The following EXOC6B variants were observed in gnomAD, a reference collection of about 807,000 sequenced individuals.
The protein encoded by EXOC6B is SEC15 homolog B.
In EXOC6B, 54 loss-of-function variants were observed where a neutral mutation model predicts 113.5. That is an observed-to-expected ratio of 0.48 (90% CI 0.38 to 0.60). The LOEUF (loss-of-function observed/expected upper bound fraction) is 0.60, where lower values mean the gene tolerates loss of function less well. EXOC6B is among the 20% of genes least tolerant of loss of function. EXOC6B has a pLI of 0.00. For missense variants in EXOC6B, 797 were observed against 977.5 expected (o/e 0.82, Z 2.46); for synonymous variants, 357 against 339.0 (o/e 1.05, Z -0.58).
chr2:72,338,433 T>C (rs1688822599), intron 19 of EXOC6B, among the ~76,000 whole-genome samples: 1 of 152,136 alleles, frequency 6.6e-6, no homozygotes, highest in African/African-American at 2.4e-5. Flanking sequence ...AATTCAGCTA[T>C]GGCTCAGTGA....
chr2:72,771,694 C>G (rs950429836), intron 1 of EXOC6B, among the ~76,000 whole-genome samples: 17 of 151,960 alleles, frequency 1.1e-4, no homozygotes, highest in African/African-American at 4.1e-4. Flanking sequence ...TTACTGAGAG[C>G]CTGGATGTGG....
At chr2:72,497,468 A>G (rs1423353908) in intron 13 of EXOC6B, among the ~76,000 whole-genome samples, 4 of 152,142 alleles carry the variant, frequency 2.6e-5, no homozygotes, top group Non-Finnish European at 4.4e-5. Context: ...CATACTACCA[A>G]AATCAAAACA....
In EXOC6B at chr2:72,184,140, G is replaced by A. The variant is rs1176286515; in HGVS notation, c.2244C>T (p.Asp748=). The change falls in exon 21 of 22, where the codon GAC becomes GAT. Residue 748 remains aspartate (D), a synonymous_variant. Coordinates refer to ENST00000272427, the MANE Select transcript of EXOC6B (RefSeq NM_015189.3). The part of the protein sequence containing the change: ...IQWDWSTYLA[D]YGQPNCKYLR... ...GGTACTTGCAGTTGGGCTGACCATA[G>A]TCAGCAAGGTAGGTTGACCAATCCC... The A allele has an allele frequency of 6.4e-7, 1 of 1,563,386 alleles. No homozygotes were observed. The highest frequency in any genetic ancestry group is 8.7e-7 in the Non-Finnish European group (1 of 1,153,190).
intron 16 of EXOC6B, among the ~76,000 whole-genome samples, chr2:72,485,402 C>T (rs1204757945): frequency 6.6e-6 from 1 of 152,184 alleles, no homozygotes; most frequent in Admixed American, 6.5e-5. Context: ...TCACACTCTT[C>T]TTCATGCCAC....
intron 18 of EXOC6B, among the ~76,000 whole-genome samples, chr2:72,403,854 C>G (rs140613722): frequency 1.3e-5 from 2 of 152,224 alleles, no homozygotes; most frequent in South Asian, 2.1e-4. Context: ...GGGTGTCAGA[C>G]AGAGGGTGCA....
intron 18 of EXOC6B, among the ~76,000 whole-genome samples, chr2:72,404,146 G>A (rs920467811): frequency 1.3e-5 from 2 of 152,198 alleles, no homozygotes; most frequent in Admixed American, 1.3e-4. Flanking sequence ...CTGCAAGGCA[G>A]CGGGGAGGCT....
At chr2:72,627,652 T>G (rs1306564511) in intron 6 of EXOC6B, among the ~76,000 whole-genome samples, 1 of 152,234 alleles carries the variant, frequency 6.6e-6, no homozygotes, top group Non-Finnish European at 1.5e-5. Flanking sequence ...TGTATTCACT[T>G]TATGGAGCCC....
intron 6 of EXOC6B, among the ~76,000 whole-genome samples, chr2:72,684,345 G>A (rs919859334): frequency 6.6e-6 from 1 of 151,954 alleles, no homozygotes; most frequent in Non-Finnish European, 1.5e-5. Context: ...AAATTTAAAA[G>A]ACTGACAACA....
intron 18 of EXOC6B, among the ~76,000 whole-genome samples, chr2:72,399,567 G>A (rs1469808347): frequency 6.6e-6 from 1 of 151,936 alleles, no homozygotes. Flanking sequence ...AACGATTCTG[G>A]GATTTGACAA....
intron 17 of EXOC6B, among the ~76,000 whole-genome samples, chr2:72,467,505 T>C (rs1426936961): frequency 6.6e-6 from 1 of 152,216 alleles, no homozygotes; most frequent in African/African-American, 2.4e-5. Flanking sequence ...CATTTGTCTT[T>C]TTGATAATAG....
At chr2:72,404,861 C>T (rs992983848) in intron 18 of EXOC6B, among the ~76,000 whole-genome samples, 3 of 152,110 alleles carry the variant, frequency 2.0e-5, no homozygotes, top group Admixed American at 6.5e-5. Context: ...GCATGGAGAA[C>T]GACCTTGACG....
chr2:72,214,225 T>C (rs1378359553), intron 20 of EXOC6B, among the ~76,000 whole-genome samples: 2 of 121,772 alleles, frequency 1.6e-5, no homozygotes, highest in Non-Finnish European at 4.0e-5. Context: ...CGGTGGCTCA[T>C]GCCTGTAATC....
intron 6 of EXOC6B, among the ~76,000 whole-genome samples, chr2:72,603,281 A>T (rs2104016085): frequency 6.6e-6 from 1 of 152,218 alleles, no homozygotes; most frequent in Non-Finnish European, 1.5e-5. Flanking sequence ...GGTGGAATAG[A>T]ATAATGTCAC....
intron 20 of EXOC6B, among the ~76,000 whole-genome samples, chr2:72,203,250 T>C (rs1679604722): frequency 6.6e-6 from 1 of 152,196 alleles, no homozygotes; most frequent in African/African-American, 2.4e-5. Context: ...AGAAGTCCTT[T>C]TCAATCAGTC....
chr2:72,602,502 T>C (rs993189695), intron 6 of EXOC6B, among the ~76,000 whole-genome samples: 3 of 152,186 alleles, frequency 2.0e-5, no homozygotes, highest in Non-Finnish European at 4.4e-5. Flanking sequence ...CATATTCACA[T>C]GCCTATCAAT....
intron 20 of EXOC6B, among the ~76,000 whole-genome samples, chr2:72,278,745 A>T (rs1684947164): frequency 6.6e-6 from 1 of 152,180 alleles, no homozygotes; most frequent in African/African-American, 2.4e-5. Flanking sequence ...AGGATTTATG[A>T]AAATATCTAG....
At chr2:72,730,751 T>C (rs1680588303) in intron 5 of EXOC6B, among the ~76,000 whole-genome samples, 1 of 152,148 alleles carries the variant, frequency 6.6e-6, no homozygotes, top group South Asian at 2.1e-4. Context: ...AAAATAGGTA[T>C]ATGCTTTTCC....
intron 11 of EXOC6B, among the ~76,000 whole-genome samples, chr2:72,506,938 A>G (rs1388423780): frequency 6.6e-6 from 1 of 152,092 alleles, no homozygotes; most frequent in Non-Finnish European, 1.5e-5. Flanking sequence ...CATTCCTGAA[A>G]TGAACTCTCC....
chr2:72,382,391 G>A (rs1691737472), intron 18 of EXOC6B, among the ~76,000 whole-genome samples: 2 of 152,118 alleles, frequency 1.3e-5, no homozygotes, highest in African/African-American at 4.8e-5. Flanking sequence ...ATTGGTCTAT[G>A]TGTCTGTTTT....
Sources: gnomAD v4.1 joint callset for allele counts (sites outside exome capture counted in the v4.1 genomes callset) on GRCh38, gnomAD v4.1.1 for gene constraint, MANE v1.5 for transcripts, NCBI Gene and HGNC (gene_info 2026-07-23, HGNC 2026-07-21) for gene names.